The following LDLRAD4 variants were observed in gnomAD, a reference collection of about 807,000 sequenced individuals.
The protein encoded by LDLRAD4 is low-density lipoprotein receptor class A domain-containing protein 4.
Under a neutral mutation model 17.0 loss-of-function variants are expected in LDLRAD4, and 5 were observed. The observed-to-expected ratio is 0.29, with a 90% CI of 0.15 to 0.62. The LOEUF (loss-of-function observed/expected upper bound fraction) is 0.62, where lower values mean the gene tolerates loss of function less well. Ranked by LOEUF, LDLRAD4 falls within the 20% of genes least tolerant of loss-of-function variation. The pLI, the probability that LDLRAD4 is intolerant of heterozygous loss-of-function variation, is 0.84. For synonymous variants in LDLRAD4, 168 were observed against 171.8 expected (o/e 0.98, Z 0.17); for missense variants, 340 against 424.7 (o/e 0.80, Z 1.75).
intron 1 of LDLRAD4, among the ~76,000 whole-genome samples, chr18:13,222,758 C>T (rs559631796): frequency 1.6e-4 from 25 of 152,218 alleles, no homozygotes; most frequent in Non-Finnish European, 2.8e-4. Flanking sequence ...TAGGCTGCTC[C>T]GCCTCCTCCC....
chr18:13,330,910 G>A (rs917008947), intron 1 of LDLRAD4, among the ~76,000 whole-genome samples: 23 of 152,310 alleles, frequency 1.5e-4, no homozygotes, highest in African/African-American at 5.5e-4. Context: ...AAAACCCAAA[G>A]GACTGGGGTC....
At chr18:13,442,275 C>CA (rs2091071704) in intron 3 of LDLRAD4, among the ~76,000 whole-genome samples, 1 of 152,160 alleles carries the variant, frequency 6.6e-6, no homozygotes, top group Non-Finnish European at 1.5e-5. Flanking sequence ...CACACCTGCA[C>CA]AAAGATAACT....
chr18:13,547,375 G>T (rs1568325098), intron 3 of LDLRAD4, among the ~76,000 whole-genome samples: 1 of 152,230 alleles, frequency 6.6e-6, no homozygotes, highest in Admixed American at 6.5e-5. Context: ...CTAACTTTGT[G>T]CGTCTGCTGT....
intron 1 of LDLRAD4, chr18:13,241,811 C>T (rs555585333): frequency 2.0e-5 from 3 of 152,370 alleles, no homozygotes; most frequent in South Asian, 2.1e-4. Context: ...GGTCCTGCGC[C>T]GTAATTACTC....
chr18:13,575,778 C>T (rs180729912), intron 3 of LDLRAD4, among the ~76,000 whole-genome samples: 2 of 152,108 alleles, frequency 1.3e-5, no homozygotes, highest in African/African-American at 4.8e-5. Flanking sequence ...TGCGGAGTAA[C>T]GTGGTATTGC....
At chr18:13,470,020 T>G (rs1228615619) in intron 3 of LDLRAD4, among the ~76,000 whole-genome samples, 1 of 152,232 alleles carries the variant, frequency 6.6e-6, no homozygotes, top group Non-Finnish European at 1.5e-5. Context: ...CGTGGGACTA[T>G]TTGGAGTGCA....
chr18:13,637,064 C>T (rs1240968142), intron 4 of LDLRAD4, among the ~76,000 whole-genome samples: 1 of 152,176 alleles, frequency 6.6e-6, no homozygotes, highest in Non-Finnish European at 1.5e-5. Context: ...TTGCAAAGTT[C>T]TGGGATTACA....
chr18:13,503,401 G>A (rs968651086), intron 3 of LDLRAD4, among the ~76,000 whole-genome samples: 1 of 152,156 alleles, frequency 6.6e-6, no homozygotes, highest in Admixed American at 6.5e-5. Context: ...TTGAACAAAC[G>A]GCCATGTGTA....
chr18:13,376,654 C>T (rs1442219911), intron 1 of LDLRAD4, among the ~76,000 whole-genome samples: 1 of 152,184 alleles, frequency 6.6e-6, no homozygotes, highest in African/African-American at 2.4e-5. Flanking sequence ...TCAGCACACC[C>T]TCGGCGTCCG....
At chr18:13,276,231 A>C (rs868105999), upstream of LDLRAD4, among the ~76,000 whole-genome samples, 3 of 151,802 alleles carry the variant, frequency 2.0e-5, no homozygotes, top group South Asian at 6.3e-4. Flanking sequence ...GCTGGTCTTG[A>C]ATTCCTGGCA....
intron 1 of LDLRAD4, among the ~76,000 whole-genome samples, chr18:13,294,839 A>ATT (rs202235063): frequency 6.6e-6 from 1 of 151,124 alleles, no homozygotes; most frequent in Non-Finnish European, 1.5e-5. Context: ...AAAAAAAAAA[A>ATT]GTTGTCTTTT....
At position 13,534,402 on chromosome 18, in the gene LDLRAD4, AT is replaced by A. The variant is rs1257900158; in HGVS notation, c.182-86714del. Among the ~76,000 whole-genome samples the A allele has an allele frequency of 2.0e-5, 3 of 152,196 alleles. No individual in the cohort carries two copies. In the East Asian group the frequency reaches 5.8e-4, roughly 29 times the overall value. On this transcript the variant is annotated intron_variant, in intron 3 of 5. Coordinates refer to ENST00000359446, the Ensembl canonical transcript of LDLRAD4. ...CCCTGTGTTTCCCCCATAAACACGAATGTTAATTTACATTTTTAACCTAACT... is the reference window on the plus strand; with the variant it reads ...CCCTGTGTTTCCCCCATAAACACGAAGTTAATTTACATTTTTAACCTAACT...
intron 3 of LDLRAD4, among the ~76,000 whole-genome samples, chr18:13,572,485 G>T (rs371337676): frequency 3.3e-5 from 5 of 152,186 alleles, no homozygotes; most frequent in South Asian, 4.1e-4. Context: ...ACTGATTTTT[G>T]TGTTTGCCTT....
intron 2 of LDLRAD4, among the ~76,000 whole-genome samples, chr18:13,411,283 C>A (rs2088322504): frequency 6.6e-6 from 1 of 151,776 alleles, no homozygotes; most frequent in South Asian, 2.1e-4. Flanking sequence ...AAAAAAGTGC[C>A]TCTATAGAGT....
At chr18:13,298,406 T>C (rs2046389376) in intron 1 of LDLRAD4, among the ~76,000 whole-genome samples, 1 of 148,756 alleles carries the variant, frequency 6.7e-6, no homozygotes, top group African/African-American at 2.5e-5. Flanking sequence ...GGCATGGTGA[T>C]GGAGCTGCTC....
intron 4 of LDLRAD4, among the ~76,000 whole-genome samples, chr18:13,634,277 T>G (rs1386074304): frequency 6.6e-6 from 1 of 152,220 alleles, no homozygotes; most frequent in African/African-American, 2.4e-5. Flanking sequence ...TAAAAGTATC[T>G]GTTAGAAGAT....
intron 4 of LDLRAD4, among the ~76,000 whole-genome samples, chr18:13,636,518 TG>T (rs2042097388): frequency 8.3e-6 from 1 of 120,072 alleles, no homozygotes; most frequent in Non-Finnish European, 2.1e-5. Flanking sequence ...TGTTTTGAGA[TG>T]GAATCTTGCT....
intron 4 of LDLRAD4, 47 bp from the exon 6 acceptor site, chr18:13,643,312 C>T (rs2042765900): frequency 1.6e-6 from 2 of 1,259,076 alleles, no homozygotes; most frequent in Non-Finnish European, 2.2e-6. Context: ...TAATGATTTT[C>T]CTCTGTTTCT....
chr18:13,587,539 A>G (rs932997371), intron 3 of LDLRAD4, among the ~76,000 whole-genome samples: 8 of 152,220 alleles, frequency 5.3e-5, no homozygotes, highest in South Asian at 2.1e-4. Context: ...ATAGGGTGGA[A>G]TCTTCAAGAC....
Sources: allele counts gnomAD v4.1 joint callset (sites outside exome capture counted in the v4.1 genomes callset), GRCh38; gene constraint gnomAD v4.1.1; transcripts MANE v1.5; gene names NCBI Gene and HGNC (gene_info 2026-07-23, HGNC 2026-07-21).